The following COPG1 variants were observed in gnomAD, a reference collection of about 807,000 sequenced individuals.
COPG1 encodes coat protein complex I subunit gamma 1.
In COPG1, 29 loss-of-function variants were observed where a neutral mutation model predicts 102.8. The observed-to-expected ratio is 0.28, with a 90% CI of 0.21 to 0.38. The LOEUF (loss-of-function observed/expected upper bound fraction) is 0.38, where lower values mean the gene tolerates loss of function less well. Ranked by LOEUF, COPG1 falls within the 10% of genes least tolerant of loss-of-function variation. COPG1 has a pLI of 1.00. For synonymous variants in COPG1, 406 were observed against 421.6 expected (o/e 0.96, Z 0.45); for missense variants, 875 against 1,132.7 (o/e 0.77, Z 3.27).
intron 14 of COPG1, 33 bp from the exon 15 acceptor site, chr3:129,266,991 A>C (rs759718090): frequency 3.1e-6 from 5 of 1,600,712 alleles, no homozygotes; most frequent in Non-Finnish European, 4.3e-6. Flanking sequence ...GTCAGGGTGC[A>C]TTGGGTAAAT....
intron 21 of COPG1, chr3:129,274,217 T>C (rs893917863): frequency 9.4e-6 from 4 of 423,966 alleles, no homozygotes; most frequent in Non-Finnish European, 1.9e-5. Context: ...GAGCTGGGTC[T>C]AAGTTGTATT....
At chr3:129,258,120 C>A (rs1004018219) in intron 10 of COPG1, among the ~76,000 whole-genome samples, 1 of 152,198 alleles carries the variant, frequency 6.6e-6, no homozygotes, top group Non-Finnish European at 1.5e-5. Context: ...GGTTGGCTGG[C>A]CACAGGAGGA....
At chr3:129,272,052 G>A (rs1426119707) in intron 19 of COPG1, 143 bp downstream of exon 19, 17 of 1,079,452 alleles carry the variant, frequency 1.6e-5, no homozygotes, top group Non-Finnish European at 2.0e-5. Context: ...CAACAGGTCG[G>A]TCTCTCATAT....
Position 129,263,927 on chromosome 3 carries a change from T to G in COPG1, c.1152T>G (p.Ser384Arg). 1 of 1,614,162 alleles carries G rather than the reference T, an allele frequency of 6.2e-7. No individual in the cohort carries two copies. Among genetic ancestry groups the G allele is most frequent in the Non-Finnish European group, 8.5e-7 (1 of 1,180,016 alleles). Residue 384 changes from serine (S) to arginine (R), a missense_variant, in exon 13 of 24, where the codon AGT (serine) becomes AGG (arginine). Physicochemically the swap from Ser to Arg is moderately radical, Grantham distance 110 (BLOSUM62 -1). Transcript: ENST00000314797. ...AGGTGGTGGTTGTCCAGGCCATCAG[T>G]GCCCTGTGTCAGAAATATCCTCGCA... is the stretch of plus-strand genomic sequence containing the variant. ...EFKVVVVQAI[S>R]ALCQKYPRKH...
intron 10 of COPG1, among the ~76,000 whole-genome samples, chr3:129,259,460 C>CAA (rs781019383): frequency 4.4e-4 from 21 of 47,466 alleles, no homozygotes; most frequent in Non-Finnish European, 7.1e-4. Context: ...GACTCTATCT[C>CAA]AAAAAAAAAA....
At chr3:129,267,432 T>C (rs924572967) in intron 15 of COPG1, among the ~76,000 whole-genome samples, 52 of 152,150 alleles carry the variant, frequency 3.4e-4, no homozygotes, top group African/African-American at 1.4e-4. Context: ...CCGTCCTGGC[T>C]AACACGCTGA....
rs946358191 is a variant in COPG1 at position 129,249,853 on chromosome 3, G to A, written c.37+107G>A. 5.7e-6 allele frequency: 7 copies of A among 1,236,674 alleles called. No homozygotes were observed. In the African/African-American group the frequency reaches 1.1e-4, roughly 19 times the overall value. 76.6% of individuals were successfully genotyped at this position (1,236,674 alleles called of 1,614,324 possible). A position where few individuals can be genotyped will look rare whatever the true frequency, so the allele number is the denominator to read the frequency against. Reference sequence around the variant, plus strand: ...AGGCTGAGGCCCAGTGAGGGGCAGGGGCTTGTGCCAGGGTCCACAGCTAGT... The same window carrying A: ...AGGCTGAGGCCCAGTGAGGGGCAGGAGCTTGTGCCAGGGTCCACAGCTAGT... On this transcript the variant is annotated intron_variant, in intron 1 of 23. Transcript: ENST00000314797.
chr3:129,272,788 C>T lies in COPG1; in HGVS notation c.2159-19C>T. 6.4e-7 allele frequency: 1 copy of T among 1,571,944 alleles called. No individual in the cohort carries two copies. Among genetic ancestry groups the T allele is most frequent in the Non-Finnish European group, 8.7e-7 (1 of 1,143,016 alleles). ...GCAGGCTGGGGACATCCTAACTACC[C>T]AGCCTCTCTTCCCCACAGTGGCCTG... On this transcript the variant is annotated intron_variant, in intron 20 of 23. Coordinates refer to ENST00000314797, the MANE Select transcript of COPG1 (RefSeq NM_016128.4).
Position 129,260,707 on chromosome 3 carries a change from T to A in COPG1, c.1028T>A (p.Leu343Gln). 1 of 1,613,902 alleles carries A rather than the reference T, an allele frequency of 6.2e-7. No individual in the cohort carries two copies. The highest frequency in any genetic ancestry group is 8.5e-7 in the Non-Finnish European group (1 of 1,180,038). Reference sequence around the variant, plus strand: ...GATTCAAACCGCAGCATTGCCACGCTGGCCATCACCACCCTCCTTAAGACG... The same window carrying A: ...GATTCAAACCGCAGCATTGCCACGCAGGCCATCACCACCCTCCTTAAGACG... ...VTDSNRSIATLAITTLLKTGS... is the reference protein window; with the variant it reads ...VTDSNRSIATQAITTLLKTGS... The change falls in exon 12 of 24, where the codon CTG becomes CAG. Residue 343 changes from leucine to glutamine, a missense_variant. Transcript: ENST00000314797.
chr3:129,257,675 A>G (rs1333844991), intron 9 of COPG1, 48 bp downstream of exon 9: 1 of 1,613,738 alleles, frequency 6.2e-7, no homozygotes, highest in Admixed American at 1.7e-5. Flanking sequence ...CACTCATCCT[A>G]CCATGCTGGG....
At chr3:129,257,423 C>T in intron 8 of COPG1, 47 bp from the exon 9 acceptor site, 4 of 1,604,996 alleles carry the variant, frequency 2.5e-6, no homozygotes, top group Non-Finnish European at 3.4e-6. Flanking sequence ...AGCCAGTATA[C>T]CCAAAAGTCA....
chr3:129,268,160 A>AT, intron 16 of COPG1, 120 bp downstream of exon 16: 1 of 822,710 alleles, frequency 1.2e-6, no homozygotes, highest in Admixed American at 2.2e-5. Context: ...TGGCAACCTC[A>AT]TGGCATCATG....
At chr3:129,266,963 G>C in intron 14 of COPG1, 61 bp from the exon 15 acceptor site, 1 of 1,458,852 alleles carries the variant, frequency 6.9e-7, no homozygotes, top group Non-Finnish European at 9.6e-7. Context: ...AGTGCTGGAA[G>C]TGCCCAAACA....
intron 12 of COPG1, among the ~76,000 whole-genome samples, chr3:129,263,677 C>CA (rs750564775): frequency 1.7e-4 from 26 of 152,248 alleles, no homozygotes; most frequent in Admixed American, 2.6e-4. Flanking sequence ...TTGGGGAACC[C>CA]AGAGTCTGAG....
intron 17 of COPG1, 142 bp from the exon 18 acceptor site, chr3:129,268,790 C>A (rs901573670): frequency 2.8e-6 from 3 of 1,066,424 alleles, no homozygotes; most frequent in Middle Eastern, 2.1e-4. Flanking sequence ...TACACACAGA[C>A]GTGGGCTCTC....
intron 14 of COPG1, among the ~76,000 whole-genome samples, chr3:129,266,196 T>G (rs1940055499): frequency 6.6e-6 from 1 of 152,188 alleles, no homozygotes; most frequent in Admixed American, 6.5e-5. Context: ...TGTCTCGATC[T>G]CTTGACCTCA....
chr3:129,254,754 C>G lies in COPG1; in HGVS notation c.399+11C>G, dbSNP rs750357594. 1 of 1,610,362 alleles carries G rather than the reference C, an allele frequency of 6.2e-7. No homozygotes were observed. On this transcript the variant is annotated intron_variant, in intron 6 of 23. Coordinates refer to ENST00000314797, the MANE Select transcript of COPG1 (RefSeq NM_016128.4). Reference sequence around the variant, plus strand: ...TGCCAGATCACTGATGTGAGTCGTGCCGGTTCCTCCCTGCTTCCTGGCCTC... The same window carrying G: ...TGCCAGATCACTGATGTGAGTCGTGGCGGTTCCTCCCTGCTTCCTGGCCTC...
intron 7 of COPG1, among the ~76,000 whole-genome samples, chr3:129,255,556 C>T (rs1214159264): frequency 2.7e-5 from 4 of 150,872 alleles, no homozygotes; most frequent in Non-Finnish European, 5.9e-5. Context: ...GATTTCAGCT[C>T]ACTGCAACCT....
intron 5 of COPG1, 111 bp from the exon 6 acceptor site, chr3:129,254,557 G>A: frequency 1.4e-6 from 1 of 692,852 alleles, no homozygotes; most frequent in East Asian, 2.7e-5. Context: ...TAGAGGGAGA[G>A]CACTGGTTAG....
Sources: gnomAD v4.1 joint callset for allele counts (sites outside exome capture counted in the v4.1 genomes callset) on GRCh38, gnomAD v4.1.1 for gene constraint, MANE v1.5 for transcripts, NCBI Gene and HGNC (gene_info 2026-07-23, HGNC 2026-07-21) for gene names.